Variants in ABCB4 observed in about 807,000 individuals in gnomAD.
ABCB4 encodes the protein ATP binding cassette subfamily B member 4, also known as phosphatidylcholine translocator ABCB4.
A neutral mutation model predicts 145.7 loss-of-function variants in ABCB4; 76 were observed. That is an observed-to-expected ratio of 0.52 (90% CI 0.43 to 0.63). The LOEUF (loss-of-function observed/expected upper bound fraction) is 0.63, where lower values mean the gene tolerates loss of function less well. ABCB4 is among the 30% of genes least tolerant of loss of function. ABCB4 has a pLI of 0.00. For synonymous variants in ABCB4, 517 were observed against 566.8 expected (o/e 0.91, Z 1.25); for missense variants, 1,234 against 1,553.1 (o/e 0.79, Z 3.45).
chr7:87,417,359 C>A lies in ABCB4; in HGVS notation c.2635G>T (p.Ala879Ser), dbSNP rs376760961. The A allele has an allele frequency of 1.2e-6, 2 of 1,614,082 alleles. No homozygotes were observed. Among genetic ancestry groups the A allele is most frequent in the Non-Finnish European group, 8.5e-7 (1 of 1,180,004 alleles). The change falls in exon 21 of 28, where the codon GCT (alanine) becomes TCT (serine). Residue 879 changes from alanine to serine, a missense_variant. Physicochemically the swap from Ala to Ser is moderately conservative, Grantham distance 99 (BLOSUM62 1). This residue lies in a region of ABCB4 where 301 missense variants were observed against 389.0 expected (regional missense o/e 0.77). Transcript: ENST00000649586. ...TTTTTATCTCTTTTGGCATTTCCAG[C>A]CAACAATTTCATTTCAACAATTCCT... The part of the protein sequence containing the change: ...VSGIVEMKLL[A>S]GNAKRDKKEL...
chr7:87,457,412 A>C (rs776536730), intron 4 of ABCB4, among the ~76,000 whole-genome samples: 2 of 152,202 alleles, frequency 1.3e-5, no homozygotes, highest in African/African-American at 2.4e-5. Context: ...CCTGTCTCAA[A>C]AAAGAAAAAG....
At chr7:87,400,010 A>C (rs1197403450), downstream of ABCB4, among the ~76,000 whole-genome samples, 2 of 151,960 alleles carry the variant, frequency 1.3e-5, no homozygotes, top group Admixed American at 1.3e-4. Flanking sequence ...CACCTCACCA[A>C]CTATCTGTAA....
At chr7:87,385,730 G>T in the ABCB4 span, among the ~76,000 whole-genome samples, 1 of 152,294 alleles carries the variant, frequency 6.6e-6, no homozygotes, top group East Asian at 1.9e-4. Context: ...TAAAAGTGGT[G>T]AAAGTAGGCA....
the ABCB4 span, chr7:87,393,036 T>C: frequency 6.2e-7 from 1 of 1,613,588 alleles, no homozygotes; most frequent in Non-Finnish European, 8.5e-7. Flanking sequence ...ACACAATGGT[T>C]ATGGATTTTT....
At chr7:87,388,703 G>GACAT in the ABCB4 span, among the ~76,000 whole-genome samples, 1 of 152,092 alleles carries the variant, frequency 6.6e-6, no homozygotes, top group African/African-American at 2.4e-5. Context: ...TATCATTCAG[G>GACAT]ACATAGGCAT....
Position 87,406,356 on chromosome 7 carries a change from A to G in ABCB4, c.3418T>C (p.Ser1140Pro). Residue 1140 changes from serine to proline, a missense_variant, in exon 26 of 28, where the codon TCA (serine) becomes CCA (proline). Ser to Pro is a moderately conservative substitution (Grantham distance 74). This residue lies in a region of ABCB4 where 301 missense variants were observed against 389.0 expected (regional missense o/e 0.77). Coordinates refer to ENST00000649586, the MANE Select transcript of ABCB4 (RefSeq NM_000443.4). Reference sequence around the variant, plus strand: ...GCTGCACTCACAATTTCATCCTGTGATACAACCCGGCTGTTGTCTCCATAG... The same window carrying G: ...GCTGCACTCACAATTTCATCCTGTGGTACAACCCGGCTGTTGTCTCCATAG... Reference protein sequence around the residue: ...IAYGDNSRVVSQDEIVSAAKA... With the variant: ...IAYGDNSRVVPQDEIVSAAKA... 6.2e-7 allele frequency: 1 copy of G among 1,614,116 alleles called. No individual in the cohort carries two copies.
the ABCB4 span, among the ~76,000 whole-genome samples, chr7:87,370,191 A>AT: frequency 2.7e-5 from 4 of 150,618 alleles, no homozygotes; most frequent in South Asian, 2.1e-4. Flanking sequence ...CTAAAAAATA[A>AT]TTTTTTTTTT....
chr7:87,465,868 A>G (rs938299472), intron 3 of ABCB4, among the ~76,000 whole-genome samples: 11 of 152,368 alleles, frequency 7.2e-5, no homozygotes, highest in Admixed American at 6.5e-4. Flanking sequence ...ACTAACAAAC[A>G]GAAAGGACAT....
At chr7:87,368,777 A>T in the ABCB4 span, among the ~76,000 whole-genome samples, 7 of 152,244 alleles carry the variant, frequency 4.6e-5, no homozygotes, top group Non-Finnish European at 7.3e-5. Context: ...ATATCAGAAT[A>T]GTCTGAGGTT....
Position 87,451,742 on chromosome 7 carries a change from G to A in ABCB4, c.589C>T (p.Gln197Ter). 6.2e-7 allele frequency: 1 copy of A among 1,614,166 alleles called. No homozygotes were observed. The highest frequency in any genetic ancestry group is 8.5e-7 in the Non-Finnish European group (1 of 1,180,032). ...GIGDKVGMFF[Q>*]AVATFFAGFI... The stretch of plus-strand genomic sequence containing the variant: ...CCTGCAAAAAACGTGGCTACTGCTT[G>A]AAAGAACATTCCAACCTTGTCACCA... The change falls in exon 7 of 28, where the codon CAA becomes TAA. Residue 197 changes from glutamine (Q) to a stop codon, truncating the protein, a stop_gained. Coordinates refer to ENST00000649586, the MANE Select transcript of ABCB4 (RefSeq NM_000443.4). LOFTEE classifies it high-confidence loss of function.
chr7:87,382,508 T>A, the ABCB4 span: 1 of 1,613,966 alleles, frequency 6.2e-7, no homozygotes. Context: ...TTATTCAGCT[T>A]GCACTTCAGC....
chr7:87,392,645 G>T, the ABCB4 span: 1 of 1,612,544 alleles, frequency 6.2e-7, no homozygotes, highest in Non-Finnish European at 8.5e-7. Flanking sequence ...GCTGGAAAAG[G>T]TACTTAAGTT....
Position 87,439,798 on chromosome 7 carries a change from T to C in ABCB4, c.1600A>G (p.Ser534Gly). 6.2e-7 allele frequency: 1 copy of C among 1,614,130 alleles called. No individual in the cohort carries two copies. Among genetic ancestry groups the C allele is most frequent in the Non-Finnish European group, 8.5e-7 (1 of 1,180,020 alleles). Residue 534 changes from serine to glycine, a missense_variant, in exon 14 of 28, where the codon AGT (serine) becomes GGT (glycine). Physicochemically the swap from Ser to Gly is moderately conservative, Grantham distance 56 (BLOSUM62 0). Coordinates refer to ENST00000649586, the MANE Select transcript of ABCB4 (RefSeq NM_000443.4). ...GCGATCCTCTGCTTCTGCCCACCAC[T>C]CAGCTGGGCCCCTCTCTCTCCAACC... ...TLVGERGAQL[S>G]GGQKQRIAIA...
chr7:87,406,195 A>G, intron 26 of ABCB4, 93 bp downstream of exon 26: 2 of 1,322,178 alleles, frequency 1.5e-6, no homozygotes, highest in East Asian at 2.3e-5. Context: ...GTAAATCAAC[A>G]TATTTTGTTA....
the ABCB4 span, among the ~76,000 whole-genome samples, chr7:87,386,006 A>G: frequency 6.6e-6 from 1 of 152,232 alleles, no homozygotes; most frequent in African/African-American, 2.4e-5. Context: ...ATGTTGAACC[A>G]TCTGAATCCC....
chr7:87,451,648 C>T lies in ABCB4; in HGVS notation c.683G>A (p.Gly228Glu). The T allele has an allele frequency of 6.2e-7, 1 of 1,614,156 alleles. No individual in the cohort carries two copies. Among genetic ancestry groups the T allele is most frequent in the Non-Finnish European group, 8.5e-7 (1 of 1,180,008 alleles). The change falls in exon 7 of 28, where the codon GGA (glycine) becomes GAA (glutamate). Residue 228 changes from glycine (G) to glutamate (E), a missense_variant. Gly to Glu is a moderately conservative substitution (Grantham distance 98). Transcript: ENST00000649586. ...LVIMAISPIL[G>E]LSAAVWAKIL... ...CTTTGCCCAAACGGCTGCAGAGAGT[C>T]CTAGAATAGGGCTGATGGCCATTAT...
the ABCB4 span, among the ~76,000 whole-genome samples, chr7:87,372,012 A>C: frequency 6.6e-6 from 1 of 151,304 alleles, no homozygotes; most frequent in Admixed American, 6.6e-5. Flanking sequence ...AAAAACAAAA[A>C]AAAAAAAACA....
chr7:87,451,955 G>A (rs771658223), intron 6 of ABCB4, 161 bp from the exon 7 acceptor site: 22 of 696,584 alleles, frequency 3.2e-5, no homozygotes, highest in African/African-American at 1.1e-4. Flanking sequence ...CCTAAACACC[G>A]CACAAAGGAA....
chr7:87,439,752 C>T lies in ABCB4; in HGVS notation c.1646G>A (p.Arg549His), dbSNP rs761238221. The T allele has an allele frequency of 1.1e-5, 17 of 1,613,996 alleles. 1 individual carries two copies. The Middle Eastern group carries it at 9.9e-4, about 94-fold the overall frequency. Residue 549 changes from arginine (R) to histidine (H), a missense_variant, in exon 14 of 28, where the codon CGC becomes CAC. This residue lies in a region of ABCB4 where 467 missense variants were observed against 632.8 expected (regional missense o/e 0.74). Coordinates refer to ENST00000649586, the MANE Select transcript of ABCB4 (RefSeq NM_000443.4). Reference protein sequence around the residue: ...QRIAIARALVRNPKILLLDEA... With the variant: ...QRIAIARALVHNPKILLLDEA... ...ATCCAGCAGAAGGATCTTGGGGTTG[C>T]GAACCAGGGCACGTGCAATGGCGAT... is the stretch of plus-strand genomic sequence containing the variant.
Sources: gnomAD v4.1 joint callset for allele counts (sites outside exome capture counted in the v4.1 genomes callset) on GRCh38, gnomAD v4.1.1 for gene constraint, gnomAD v4.1.1 regional missense constraint, MANE v1.5 for transcripts, NCBI Gene and HGNC (gene_info 2026-07-23, HGNC 2026-07-21) for gene names.